The following KCNH1 variants were observed in gnomAD, a reference collection of about 807,000 sequenced individuals.
The protein encoded by KCNH1 is voltage-gated delayed rectifier potassium channel KCNH1.
A neutral mutation model predicts 69.2 loss-of-function variants in KCNH1; 27 were observed. The observed-to-expected ratio is 0.39, with a 90% CI of 0.29 to 0.54. KCNH1 has a LOEUF of 0.54. Among genes scored for constraint, KCNH1 ranks in the 20% least tolerant of loss-of-function variants. The pLI, the probability that KCNH1 is intolerant of heterozygous loss-of-function variation, is 0.68. For synonymous variants in KCNH1, 456 were observed against 487.7 expected, an observed-to-expected ratio of 0.93 and a Z score of 0.86; for missense variants, 798 against 1,261.6, an observed-to-expected ratio of 0.63 and a Z score of 5.57.
intron 7 of KCNH1, among the ~76,000 whole-genome samples, chr1:210,894,676 G>A (rs1015626196): frequency 2.0e-5 from 3 of 152,026 alleles, no homozygotes; most frequent in Non-Finnish European, 4.4e-5. Flanking sequence ...AAATGAGTTC[G>A]TTATTATTGG....
chr1:210,986,742 G>C (rs1688843570), intron 6 of KCNH1, among the ~76,000 whole-genome samples: 1 of 152,180 alleles, frequency 6.6e-6, no homozygotes, highest in South Asian at 2.1e-4. Context: ...CAACGTTGGT[G>C]AATCTGACAA....
intron 7 of KCNH1, chr1:210,861,321 G>A: frequency 1.2e-6 from 1 of 812,348 alleles, no homozygotes; most frequent in Non-Finnish European, 2.2e-6. Flanking sequence ...TGTAAAACTT[G>A]AGGAGCCATA....
rs1234914045 is a variant in KCNH1, at chr1:210,919,048, C to T, written c.1462+592G>A. Reference sequence around the variant, plus strand: ...ACATGTAGGACATGTAGCATGACGGCTATAGTTAATAATACTGTAATGCCT... The same window carrying T: ...ACATGTAGGACATGTAGCATGACGGTTATAGTTAATAATACTGTAATGCCT... On this transcript the variant is annotated intron_variant, in intron 7 of 10. Transcript: ENST00000271751. The surrounding 1 kb of genome is among the most constrained non-coding windows in gnomAD (Gnocchi z 4.2). 6.6e-6 allele frequency: 1 copy of T among 152,312 alleles called. No homozygotes were observed. The highest frequency in any genetic ancestry group is 1.5e-5 in the Non-Finnish European group (1 of 68,344). The allele number at this position is 152,312 out of a possible 1,614,324, so 9.4% of individuals were successfully genotyped here.
intron 3 of KCNH1, among the ~76,000 whole-genome samples, chr1:211,097,224 A>G (rs1389009553): frequency 6.6e-6 from 1 of 152,216 alleles, no homozygotes; most frequent in Non-Finnish European, 1.5e-5. Context: ...TGTGGAAAAT[A>G]AGTTAGATTA....
chr1:210,795,962 A>AAC (rs369505764), intron 9 of KCNH1, among the ~76,000 whole-genome samples: 8,276 of 135,928 alleles, frequency 0.061, 252 homozygotes, highest in African/African-American at 0.081. Context: ...CTCTACTAAA[A>AAC]ACACACACAC....
At chr1:211,095,695 C>T (rs1250035306) in intron 3 of KCNH1, among the ~76,000 whole-genome samples, 1 of 152,190 alleles carries the variant, frequency 6.6e-6, no homozygotes, top group East Asian at 1.9e-4. Flanking sequence ...CTGTGATTGG[C>T]TTTTGGGAAG....
At chr1:211,115,197 G>C (rs1270009650) in intron 1 of KCNH1, among the ~76,000 whole-genome samples, 1 of 152,118 alleles carries the variant, frequency 6.6e-6, no homozygotes, top group Non-Finnish European at 1.5e-5. Context: ...CCATGTTGGT[G>C]AGGCAGTTCT....
chr1:210,996,545 C>G (rs996697395), intron 6 of KCNH1, among the ~76,000 whole-genome samples: 9 of 152,220 alleles, frequency 5.9e-5, no homozygotes, highest in Non-Finnish European at 1.3e-4. Flanking sequence ...TCTGTAGGCT[C>G]CACCTCTAGG....
chr1:210,904,023 G>A (rs189936584), intron 7 of KCNH1, among the ~76,000 whole-genome samples: 14 of 152,284 alleles, frequency 9.2e-5, no homozygotes, highest in Admixed American at 5.9e-4. Context: ...TTGTATCTTA[G>A]TAGTTCTCCT....
rs150754882 is a variant in KCNH1 at position 210,957,730 on chromosome 1, T to C, written c.1033-37661A>G. On this transcript the variant is annotated intron_variant, in intron 6 of 10. Transcript: ENST00000271751. ...AAGTCTGTTTTATCAGAGACTAGGA[T>C]TGCAACCCATGCTTTTTTTGCTTTC... is the stretch of plus-strand genomic sequence containing the variant. 2.6e-3 allele frequency among the ~76,000 whole-genome samples: 391 copies of C among 152,300 alleles called. 8 individuals carry two copies. The East Asian group carries it at 0.066, about 26-fold the overall frequency.
chr1:210,998,283 C>T (rs991809361), intron 6 of KCNH1, among the ~76,000 whole-genome samples: 1 of 152,136 alleles, frequency 6.6e-6, no homozygotes, highest in African/African-American at 2.4e-5. Flanking sequence ...CATGCAGAGA[C>T]ACACATAGGC....
intron 2 of KCNH1, among the ~76,000 whole-genome samples, chr1:211,104,008 G>C (rs1413265944): frequency 1.5e-4 from 23 of 152,214 alleles, no homozygotes. Flanking sequence ...ATGGCTGAGA[G>C]AAAGAAGGAG....
intron 7 of KCNH1, among the ~76,000 whole-genome samples, chr1:210,848,365 C>T (rs1428855721): frequency 6.6e-6 from 1 of 152,110 alleles, no homozygotes; most frequent in Non-Finnish European, 1.5e-5. Flanking sequence ...CTTTCCTTGA[C>T]CCTTGTCTTT....
intron 10 of KCNH1, among the ~76,000 whole-genome samples, chr1:210,758,024 G>T (rs1400249016): frequency 6.6e-6 from 1 of 152,238 alleles, no homozygotes; most frequent in Non-Finnish European, 1.5e-5. Flanking sequence ...ACAGAGAAAT[G>T]AGGTCACTAT....
At chr1:210,698,993 C>G (rs956551902) in intron 10 of KCNH1, among the ~76,000 whole-genome samples, 1 of 152,196 alleles carries the variant, frequency 6.6e-6, no homozygotes, top group African/African-American at 2.4e-5. Flanking sequence ...TTGTCATCTC[C>G]CAGCCTACTG....
At chr1:210,704,856 C>G (rs1310390849) in intron 10 of KCNH1, among the ~76,000 whole-genome samples, 3 of 152,198 alleles carry the variant, frequency 2.0e-5, no homozygotes, top group Admixed American at 2.0e-4. Flanking sequence ...CTGGTCAATA[C>G]CATTCCTCCC....
At chr1:211,060,400 C>CAAAAAAAAAA (rs60620622) in intron 5 of KCNH1, among the ~76,000 whole-genome samples, 618 of 44,436 alleles carry the variant, frequency 0.014, 9 homozygotes, top group Middle Eastern at 0.042. Flanking sequence ...GACTCCGTCT[C>CAAAAAAAAAA]AAAAAAAAAA....
intron 10 of KCNH1, among the ~76,000 whole-genome samples, chr1:210,696,569 TTCTC>T (rs1318019920): frequency 6.6e-6 from 1 of 152,146 alleles, no homozygotes; most frequent in Non-Finnish European, 1.5e-5. Context: ...GCTGATACCT[TTCTC>T]TCAAAGAAAC....
chr1:211,097,669 T>G (rs970960689), intron 3 of KCNH1, among the ~76,000 whole-genome samples: 2 of 152,248 alleles, frequency 1.3e-5, no homozygotes, highest in African/African-American at 4.8e-5. Context: ...TTCTTACATC[T>G]ATATCTCTGT....
Sources: allele counts gnomAD v4.1 joint callset (sites outside exome capture counted in the v4.1 genomes callset), GRCh38; gene constraint gnomAD v4.1.1; non-coding constraint Gnocchi (gnomAD v3.1); transcripts MANE v1.5; gene names NCBI Gene and HGNC (gene_info 2026-07-23, HGNC 2026-07-21).